Variants in UBLCP1 observed in about 807,000 individuals in gnomAD.
UBLCP1 encodes ubiquitin like domain containing CTD phosphatase 1.
UBLCP1 carries 28 observed loss-of-function variants against 42.4 expected under a neutral mutation model. The ratio of observed to expected loss-of-function variants is 0.66; its 90% CI spans 0.49 to 0.90. UBLCP1 has a LOEUF of 0.90. Ranked by LOEUF, UBLCP1 falls within the 40% of genes least tolerant of loss-of-function variation. The probability of loss-of-function intolerance (pLI) is 0.00; values close to 1 mark genes in which losing one functional copy is unlikely to be tolerated. For synonymous variants in UBLCP1, 122 were observed against 120.8 expected (o/e 1.01, Z -0.07); for missense variants, 279 against 374.5 (o/e 0.75, Z 2.10).
chr5:159,280,232 TC>T (rs1224952657), intron 9 of UBLCP1, among the ~76,000 whole-genome samples: 1 of 152,164 alleles, frequency 6.6e-6, no homozygotes, highest in African/African-American at 2.4e-5. Flanking sequence ...AGATAACACT[TC>T]ATGAAAACCT....
At chr5:159,280,286 TCTGCC>T (rs1291424926) in intron 9 of UBLCP1, among the ~76,000 whole-genome samples, 1 of 152,206 alleles carries the variant, frequency 6.6e-6, no homozygotes, top group African/African-American at 2.4e-5. Context: ...AGATTAAAGA[TCTGCC>T]CACGTCGGCA....
intron 9 of UBLCP1, among the ~76,000 whole-genome samples, chr5:159,281,992 A>T (rs1304075860): frequency 6.6e-6 from 1 of 152,182 alleles, no homozygotes; most frequent in Admixed American, 6.5e-5. Flanking sequence ...AGGAATATGT[A>T]TGATTTTTTT....
chr5:159,283,411 C>T (rs1433046), intron 10 of UBLCP1, 72 bp downstream of exon 10: 743,048 of 1,260,380 alleles, frequency 0.59, 222,383 homozygotes, highest in Non-Finnish European at 0.61. Context: ...CATCAGTGAC[C>T]CCAGTATATA....
chr5:159,265,845 A>G (rs931209487), intron 1 of UBLCP1, among the ~76,000 whole-genome samples: 1 of 151,878 alleles, frequency 6.6e-6, no homozygotes, highest in Non-Finnish European at 1.5e-5. Context: ...ACCTCTGGCT[A>G]ATTTTTTTTT....
intron 1 of UBLCP1, among the ~76,000 whole-genome samples, chr5:159,266,944 C>T (rs1753401699): frequency 1.3e-5 from 2 of 152,218 alleles, no homozygotes; most frequent in African/African-American, 2.4e-5. Flanking sequence ...CAAAAGTTTG[C>T]TGCAGGGGTG....
chr5:159,266,595 C>A (rs556492554), intron 1 of UBLCP1, among the ~76,000 whole-genome samples: 1 of 152,184 alleles, frequency 6.6e-6, no homozygotes. Flanking sequence ...TCCCCTAGAC[C>A]GTGGGGAAAA....
At chr5:159,270,496 A>C in intron 4 of UBLCP1, 32 bp from the exon 5 acceptor site, 1 of 1,605,452 alleles carries the variant, frequency 6.2e-7, no homozygotes, top group East Asian at 2.2e-5. Flanking sequence ...AGAACAAGTG[A>C]ATATTTTATC....
chr5:159,267,919 G>A (rs1350085918), intron 1 of UBLCP1, among the ~76,000 whole-genome samples: 1 of 152,170 alleles, frequency 6.6e-6, no homozygotes, highest in Non-Finnish European at 1.5e-5. Context: ...CCAGTCTTGG[G>A]TATGTCTTTA....
chr5:159,269,434 T>C (rs996326688), intron 2 of UBLCP1, among the ~76,000 whole-genome samples: 3 of 152,204 alleles, frequency 2.0e-5, no homozygotes, highest in Non-Finnish European at 4.4e-5. Context: ...CCAAATTATC[T>C]TTTCTGTTTC....
chr5:159,284,993 C>A lies in UBLCP1; in HGVS notation c.*62C>A. 1 of 1,512,006 alleles carries A rather than the reference C, an allele frequency of 6.6e-7. No homozygotes were observed. The allele number at this position is 1,512,006 out of a possible 1,614,324, so 93.7% of individuals were successfully genotyped here. ...GATCCAAGAACTTCTTGCTTTTATG[C>A]TAGAAATCATTATGATAGTGCTGGA... On this transcript the variant is annotated 3_prime_UTR_variant, in exon 11 of 11. Coordinates refer to ENST00000296786, the MANE Select transcript of UBLCP1 (RefSeq NM_145049.5).
chr5:159,272,213 T>A, intron 6 of UBLCP1, 92 bp downstream of exon 6: 4 of 1,002,276 alleles, frequency 4.0e-6, no homozygotes, highest in Non-Finnish European at 6.0e-6. Context: ...ATGACCTGTG[T>A]TTAAATATGA....
intron 10 of UBLCP1, 103 bp from the exon 11 acceptor site, chr5:159,284,797 TCTTG>T: frequency 9.0e-7 from 1 of 1,117,280 alleles, no homozygotes; most frequent in South Asian, 1.2e-5. Context: ...AGAATACTCA[TCTTG>T]AAATGTTTTG....
At chr5:159,267,171 G>A (rs1252185641) in intron 1 of UBLCP1, among the ~76,000 whole-genome samples, 2 of 152,204 alleles carry the variant, frequency 1.3e-5, no homozygotes, top group Non-Finnish European at 2.9e-5. Flanking sequence ...AGCTGGGAGG[G>A]AGGGTTTACC....
chr5:159,278,507 T>C (rs1315439337), intron 9 of UBLCP1, among the ~76,000 whole-genome samples, 153 bp downstream of exon 9: 1 of 152,216 alleles, frequency 6.6e-6, no homozygotes, highest in East Asian at 1.9e-4. Context: ...ATATAGAAAT[T>C]GAACTTTGTC....
At position 159,269,950 on chromosome 5, in the gene UBLCP1, TG is replaced by T; in HGVS notation, c.198del (p.Lys67AsnfsTer7). Reference protein sequence around the residue: ...ENDVKLGALKLKPNTKIMMMG... With the variant: ...ENDVKLGALKXKPNTKIMMMG... ...GATGTTAAGCTTGGAGCTCTCAAACTGAAACCAAATACTAAAATCATGATGA... is the reference window on the plus strand; with the variant it reads ...GATGTTAAGCTTGGAGCTCTCAAACTAAACCAAATACTAAAATCATGATGA... On this transcript the variant is annotated frameshift_variant, in exon 3 of 11. Transcript: ENST00000296786. LOFTEE classifies it high-confidence loss of function. The T allele has an allele frequency of 2.5e-6, 4 of 1,612,894 alleles. No homozygotes were observed. The highest frequency in any genetic ancestry group is 3.4e-6 in the Non-Finnish European group (4 of 1,179,578).
At chr5:159,273,134 A>G (rs1753492180) in intron 6 of UBLCP1, among the ~76,000 whole-genome samples, 2 of 152,224 alleles carry the variant, frequency 1.3e-5, no homozygotes, top group South Asian at 4.1e-4. Context: ...TGTGAGTTCC[A>G]TGTGAGTTCA....
At chr5:159,268,635 C>T (rs752082262) in intron 1 of UBLCP1, among the ~76,000 whole-genome samples, 3 of 152,178 alleles carry the variant, frequency 2.0e-5, no homozygotes, top group Non-Finnish European at 2.9e-5. Context: ...TCCAGTTGAA[C>T]AGTGAGACTC....
chr5:159,267,167 G>A (rs974347228), intron 1 of UBLCP1, among the ~76,000 whole-genome samples: 1 of 152,214 alleles, frequency 6.6e-6, no homozygotes, highest in African/African-American at 2.4e-5. Context: ...AAGCAGCTGG[G>A]AGGGAGGGTT....
chr5:159,269,997 T>C lies in UBLCP1; in HGVS notation c.244T>C (p.Leu82=), dbSNP rs1753444999. 2 of 1,608,058 alleles carry C rather than the reference T, an allele frequency of 1.2e-6. No individual in the cohort carries two copies. Among genetic ancestry groups the C allele is most frequent in the Admixed American group, 1.7e-5 (1 of 58,972 alleles). Residue 82 remains leucine, a splice_region_variant and synonymous_variant, in exon 3 of 11, where the codon TTG becomes CTG. Transcript: ENST00000296786. ...GATGATGGGAACTCGTGAGGAGAGC[T>C]TGGTAAATGTTTACTTTTTGTTACC... ...IMMMGTREES[L]EDVLGPPPDN...
Sources: gnomAD v4.1 joint callset for allele counts (sites outside exome capture counted in the v4.1 genomes callset) on GRCh38, gnomAD v4.1.1 for gene constraint, MANE v1.5 for transcripts, NCBI Gene and HGNC (gene_info 2026-07-23, HGNC 2026-07-21) for gene names.